The following DGLUCY variants were observed in gnomAD, a reference collection of about 807,000 sequenced individuals.
DGLUCY encodes D-glutamate cyclase, also known as D-glutamate cyclase, mitochondrial.
In DGLUCY, 58 loss-of-function variants were observed where a neutral mutation model predicts 58.5. That is an observed-to-expected ratio of 0.99 (90% CI 0.80 to 1.23). The LOEUF is 1.23. Among genes scored for constraint, DGLUCY ranks in the 50% most tolerant of loss-of-function variants. The pLI is 0.00. For synonymous variants in DGLUCY, 325 were observed against 314.1 expected, an observed-to-expected ratio of 1.03 and a Z score of -0.37; for missense variants, 779 against 784.7, an observed-to-expected ratio of 0.99 and a Z score of 0.09.
intron 1 of DGLUCY, among the ~76,000 whole-genome samples, chr14:91,067,498 A>G (rs1430169007): frequency 1.3e-5 from 2 of 152,216 alleles, no homozygotes; most frequent in African/African-American, 4.8e-5. Context: ...GTATACATAG[A>G]TAAGAAAGAA....
upstream of DGLUCY, among the ~76,000 whole-genome samples, chr14:91,110,264 C>T (rs1476826260): frequency 6.6e-6 from 1 of 152,158 alleles, no homozygotes; most frequent in Admixed American, 6.5e-5. Context: ...ATTCCTTGCA[C>T]CTCTGGCCAT....
intron 1 of DGLUCY, among the ~76,000 whole-genome samples, chr14:91,116,582 G>A (rs994781327): frequency 3.9e-5 from 6 of 152,122 alleles, no homozygotes; most frequent in African/African-American, 7.2e-5. Context: ...GAGTGTTCTT[G>A]GACCTTGTGC....
At chr14:91,060,345 G>A (rs1416021973) in exon 1 of DGLUCY, 2 of 1,445,232 alleles carry the variant, frequency 1.4e-6, no homozygotes, top group Non-Finnish European at 1.8e-6. Flanking sequence ...TCCGCAGCTC[G>A]TGCTTGACAG....
chr14:91,087,245 T>A (rs927378362), intron 1 of DGLUCY, among the ~76,000 whole-genome samples: 1 of 152,214 alleles, frequency 6.6e-6, no homozygotes, highest in African/African-American at 2.4e-5. Flanking sequence ...TACAAAATCA[T>A]CTTTGTCCAT....
intron 1 of DGLUCY, among the ~76,000 whole-genome samples, chr14:91,138,882 A>G (rs2046490018): frequency 6.6e-6 from 1 of 152,160 alleles, no homozygotes; most frequent in South Asian, 2.1e-4. Flanking sequence ...TTGGCCTTCG[A>G]GACCATGAGC....
exon 1 of DGLUCY, chr14:91,060,673 C>T (rs2043639732): frequency 4.9e-6 from 2 of 404,902 alleles, no homozygotes; most frequent in Non-Finnish European, 8.3e-6. Flanking sequence ...CCACCGCCGC[C>T]TCCTCAGGCC....
upstream of DGLUCY, among the ~76,000 whole-genome samples, chr14:91,106,295 G>A (rs2044587582): frequency 6.6e-6 from 1 of 150,626 alleles, no homozygotes; most frequent in Admixed American, 6.6e-5. Flanking sequence ...CAACAAGAGA[G>A]AAACTCCATT....
chr14:91,128,947 G>A (rs2045879573), intron 1 of DGLUCY: 1 of 151,956 alleles, frequency 6.6e-6, no homozygotes, highest in Non-Finnish European at 1.5e-5. Context: ...TTCTGGGTTG[G>A]GGGAAAGACA....
chr14:91,172,968 G>A (rs1595835312), intron 5 of DGLUCY, among the ~76,000 whole-genome samples: 1 of 152,210 alleles, frequency 6.6e-6, no homozygotes, highest in South Asian at 2.1e-4. Flanking sequence ...TTTGATAACT[G>A]TGCTTGCAGG....
intron 1 of DGLUCY, among the ~76,000 whole-genome samples, chr14:91,125,018 T>A (rs1449576049): frequency 6.6e-6 from 1 of 152,222 alleles, no homozygotes; most frequent in African/African-American, 2.4e-5. Flanking sequence ...CCTTCCTTTG[T>A]TCTCCTCTGC....
At chr14:91,164,358 AC>A (rs1369516307) in intron 3 of DGLUCY, among the ~76,000 whole-genome samples, 7 of 152,212 alleles carry the variant, frequency 4.6e-5, no homozygotes, top group African/African-American at 1.7e-4. Context: ...CCTGGAGACA[AC>A]CGTGATTAAC....
chr14:91,078,861 T>G (rs373052994), intron 1 of DGLUCY, among the ~76,000 whole-genome samples: 1 of 146,168 alleles, frequency 6.8e-6, no homozygotes, highest in Non-Finnish European at 1.5e-5. Context: ...TTGTGTCTGT[T>G]TATTTATTTT....
At chr14:91,167,805 T>A (rs893561643) in intron 4 of DGLUCY, 1 of 624,974 alleles carries the variant, frequency 1.6e-6, no homozygotes, top group African/African-American at 1.8e-5. Flanking sequence ...TGATGCTGGG[T>A]CGGTGTACCT....
chr14:91,160,184 T>G (rs2047896492), intron 2 of DGLUCY, 82 bp from the exon 3 acceptor site: 2 of 837,700 alleles, frequency 2.4e-6, no homozygotes, highest in Non-Finnish European at 4.1e-6. Context: ...TGTGATGTGG[T>G]ATGTGAAGCT....
intron 5 of DGLUCY, among the ~76,000 whole-genome samples, chr14:91,172,242 T>C (rs914219739): frequency 3.3e-5 from 5 of 152,070 alleles, no homozygotes; most frequent in African/African-American, 1.2e-4. Context: ...AGCTAATTTA[T>C]GGTTTTGGTT....
At position 91,081,318 on chromosome 14, in the gene DGLUCY, A is replaced by G. The variant is rs557193231; in HGVS notation, c.-82+20614A>G. On this transcript the variant is annotated intron_variant, in intron 1 of 4. Transcript: ENST00000521334. ...TTAACTAAGCTGAGAGAAATGTTCA[A>G]GAAAAAACAGGAGGCACATCCCACA... Among the ~76,000 whole-genome samples, 3 of 152,382 alleles carry G rather than the reference A, an allele frequency of 2.0e-5. No homozygotes were observed. In the South Asian group the frequency reaches 6.2e-4, roughly 32 times the overall value.
intron 1 of DGLUCY, among the ~76,000 whole-genome samples, chr14:91,078,277 G>A (rs1390258700): frequency 6.6e-6 from 1 of 152,144 alleles, no homozygotes; most frequent in African/African-American, 2.4e-5. Context: ...TTAAAAGGCA[G>A]TATGAATCAG....
At chr14:91,065,092 C>T (rs891120473) in intron 1 of DGLUCY, among the ~76,000 whole-genome samples, 1 of 152,132 alleles carries the variant, frequency 6.6e-6, no homozygotes, top group Non-Finnish European at 1.5e-5. Flanking sequence ...GGAAGAGTTT[C>T]TTCCACAGAC....
chr14:91,083,570 C>T (rs902097248), intron 1 of DGLUCY, among the ~76,000 whole-genome samples: 6 of 151,378 alleles, frequency 4.0e-5, no homozygotes, highest in Non-Finnish European at 8.8e-5. Context: ...AAGAGCGAGT[C>T]TCCACGCCTG....
Sources: allele counts gnomAD v4.1 joint callset (sites outside exome capture counted in the v4.1 genomes callset), GRCh38; gene constraint gnomAD v4.1.1; transcripts MANE v1.5; gene names NCBI Gene and HGNC (gene_info 2026-07-23, HGNC 2026-07-21).